MTMR1: variants seen among roughly 807,000 people sequenced by gnomAD.
The protein encoded by MTMR1 is myotubularin related protein 1.
A neutral mutation model predicts 51.6 loss-of-function variants in MTMR1; 17 were observed. That is an observed-to-expected ratio of 0.33 (90% CI 0.23 to 0.49). MTMR1 has a LOEUF of 0.49. Ranked by LOEUF, MTMR1 falls within the 20% of genes least tolerant of loss-of-function variation. MTMR1 has a pLI of 0.99. For synonymous variants in MTMR1, 201 were observed against 205.6 expected (o/e 0.98, Z 0.19); for missense variants, 386 against 526.9 (o/e 0.73, Z 2.62).
chrX:150,725,491 A>G (rs1231005097), intron 4 of MTMR1, among the ~76,000 whole-genome samples: 1 of 111,182 alleles, frequency 9.0e-6, no homozygotes, highest in Non-Finnish European at 1.9e-5. Flanking sequence ...TGGGGTTTTT[A>G]CTTTTTAGAA....
Position 150,736,597 on chromosome X carries a change from A to G in MTMR1, c.1083A>G (p.Thr361=). 3.3e-6 allele frequency: 4 copies of G among 1,202,382 alleles called. No individual in the cohort carries two copies. The highest frequency in any genetic ancestry group is 4.5e-6 in the Non-Finnish European group (4 of 890,620). The change falls in exon 11 of 16, where the codon ACA becomes ACG. Residue 361 remains threonine, a splice_region_variant and synonymous_variant. Transcript: ENST00000445323. ...TGTATTTGTTTTGTTTTTCGTAGAC[A>G]AAGGGTGGAGGATATGAAAGTGAAA... ...RQNSVADTNK[T]KGGGYESESA...
At position 150,737,407 on chromosome X, in the gene MTMR1, G is replaced by A. The variant is rs1569565722; in HGVS notation, c.1432G>A (p.Val478Ile). The change falls in exon 12 of 16, where the codon GTA (valine) becomes ATA (isoleucine). Residue 478 changes from valine to isoleucine, a missense_variant. Val to Ile is a conservative substitution (Grantham distance 29, BLOSUM62 3). Coordinates refer to ENST00000445323, the MANE Select transcript of MTMR1 (RefSeq NM_001306144.3). ...GACCATTAAAGGATTTGAAACTCTC[G>A]TAGAAAAGGAGTGGATAAGCTTTGG... ...YRTIKGFETL[V>I]EKEWISFGHR... 6 of 1,211,629 alleles carry A rather than the reference G, an allele frequency of 5.0e-6. No individual in the cohort carries two copies. Among genetic ancestry groups the A allele is most frequent in the Non-Finnish European group, 4.5e-6 (4 of 895,395 alleles).
intron 4 of MTMR1, 154 bp from the exon 5 acceptor site, chrX:150,727,059 ATC>A (rs1269983567): frequency 8.9e-6 from 3 of 336,643 alleles, no homozygotes; most frequent in African/African-American, 8.0e-5. Context: ...AAGACTATGC[ATC>A]TCTCTATATT....
chrX:150,712,403 TTG>T, intron 3 of MTMR1, 38 bp downstream of exon 3: 10 of 1,139,836 alleles, frequency 8.8e-6, no homozygotes, highest in Non-Finnish European at 1.1e-5. Context: ...GGCCTCCTAC[TTG>T]TGTGTGTCTG....
intron 14 of MTMR1, among the ~76,000 whole-genome samples, chrX:150,753,056 G>A (rs1014119614): frequency 4.5e-5 from 5 of 111,406 alleles, no homozygotes; most frequent in Admixed American, 3.8e-4. Flanking sequence ...CTGTCTCTAC[G>A]GATTTGCCAA....
intron 14 of MTMR1, 49 bp downstream of exon 14, chrX:150,750,892 C>T: frequency 9.3e-7 from 1 of 1,074,504 alleles, no homozygotes; most frequent in Non-Finnish European, 1.3e-6. Context: ...GCTCAGGCAC[C>T]TCTCCTCGGA....
intron 13 of MTMR1, among the ~76,000 whole-genome samples, chrX:150,746,924 A>G (rs896811492): frequency 1.8e-5 from 2 of 112,561 alleles, no homozygotes; most frequent in East Asian, 5.5e-4. Flanking sequence ...AGATGCAGTC[A>G]TAGGAAAGAT....
At position 150,763,190 on chromosome X, in the gene MTMR1, ACGGGG is replaced by A. The variant is rs1557418158; in HGVS notation, c.*462_*466del. The A allele has an allele frequency of 8.4e-6, 1 of 119,026 alleles. No homozygotes were observed. The highest frequency in any genetic ancestry group is 3.2e-5 in the African/African-American group (1 of 31,185). The allele number at this position is 119,026 out of a possible 1,213,427, so 9.8% of individuals were successfully genotyped here. ...CTCTGTTCCACAGTTTTCTTCATGC[ACGGGG>A]TCCTCCTGTTAACAATTACTGTTGT... On this transcript the variant is annotated 3_prime_UTR_variant, in exon 16 of 16. Coordinates refer to ENST00000445323, the MANE Select transcript of MTMR1 (RefSeq NM_001306144.3).
At chrX:150,762,010 C>G (rs1557418040) in intron 15 of MTMR1, among the ~76,000 whole-genome samples, 1 of 112,611 alleles carries the variant, frequency 8.9e-6, no homozygotes, top group African/African-American at 3.2e-5. Context: ...GGCTCCCCAC[C>G]CCCCTGCCGG....
chrX:150,736,462 A>G (rs1669997245), intron 10 of MTMR1, 133 bp from the exon 11 acceptor site: 1 of 537,057 alleles, frequency 1.9e-6, no homozygotes, highest in African/African-American at 2.3e-5. Flanking sequence ...GCCCTAGGAA[A>G]CTCATACAAG....
intron 4 of MTMR1, among the ~76,000 whole-genome samples, chrX:150,722,026 G>A (rs782713453): frequency 3.6e-5 from 4 of 111,543 alleles, no homozygotes; most frequent in Admixed American, 9.5e-5. Flanking sequence ...GGAGTGTGTC[G>A]TTTAATTTCC....
intron 15 of MTMR1, among the ~76,000 whole-genome samples, chrX:150,759,674 G>A (rs1422853676): frequency 6.4e-5 from 7 of 109,518 alleles, no homozygotes; most frequent in African/African-American, 1.6e-4. Flanking sequence ...TACAAACTGC[G>A]CGACAGATCT....
At chrX:150,740,059 C>T (rs782673814) in intron 12 of MTMR1, among the ~76,000 whole-genome samples, 2 of 111,568 alleles carry the variant, frequency 1.8e-5, no homozygotes, top group African/African-American at 6.5e-5. Flanking sequence ...TCCATTCCCC[C>T]CTCTTCCCTA....
chrX:150,708,393 ATATAGT>A (rs1302141916), intron 2 of MTMR1, among the ~76,000 whole-genome samples: 1 of 111,585 alleles, frequency 9.0e-6, no homozygotes, highest in Non-Finnish European at 1.9e-5. Flanking sequence ...CAACTGAAAA[ATATAGT>A]TATACTAAAA....
At chrX:150,727,192 C>A (rs373910987) in intron 4 of MTMR1, 23 bp from the exon 5 acceptor site, 71 of 1,074,804 alleles carry the variant, frequency 6.6e-5, no homozygotes, top group Non-Finnish European at 7.8e-5. Context: ...GCAGTAGTTG[C>A]TACTTTGGCC....
chrX:150,712,248 T>A, intron 2 of MTMR1, 94 bp from the exon 3 acceptor site: 1 of 780,441 alleles, frequency 1.3e-6, no homozygotes, highest in Non-Finnish European at 1.9e-6. Flanking sequence ...GATTATGATG[T>A]TTCTTAGGGA....
intron 1 of MTMR1, among the ~76,000 whole-genome samples, 172 bp downstream of exon 1, chrX:150,693,848 G>A (rs1289846884): frequency 9.7e-6 from 1 of 102,975 alleles, no homozygotes; most frequent in Admixed American, 1.0e-4. Context: ...AAACCTCAGC[G>A]CCCCATCCGG....
intron 3 of MTMR1, among the ~76,000 whole-genome samples, chrX:150,716,782 T>A (rs1249410353): frequency 8.9e-6 from 1 of 112,704 alleles, no homozygotes; most frequent in Non-Finnish European, 1.9e-5. Context: ...TTAGGTCCTT[T>A]AATAAAACAT....
rs1557416322 is a variant in MTMR1, at chrX:150,714,407, C to T, written c.276+2042C>T. The T allele has an allele frequency of 4.3e-6, 3 of 704,309 alleles. No individual in the cohort carries two copies. The African/African-American group carries it at 6.8e-5, about 16-fold the overall frequency. The allele number at this position is 704,309 out of a possible 1,213,427, so 58.0% of individuals were successfully genotyped here. A position where few individuals can be genotyped will look rare whatever the true frequency, so the allele number is the denominator to read the frequency against. ...CCTTAAAAAAGAAATTCTGTCCTTT[C>T]ACCTGTCTGTTTGCACGTGTTTCTC... is the stretch of plus-strand genomic sequence containing the variant. On this transcript the variant is annotated intron_variant, in intron 3 of 15. Coordinates refer to ENST00000445323, the MANE Select transcript of MTMR1 (RefSeq NM_001306144.3).
Sources: allele counts gnomAD v4.1 joint callset (sites outside exome capture counted in the v4.1 genomes callset), GRCh38; gene constraint gnomAD v4.1.1; transcripts MANE v1.5; gene names NCBI Gene and HGNC (gene_info 2026-07-23, HGNC 2026-07-21).